Variants in PTPRA observed in about 807,000 individuals in gnomAD.
PTPRA encodes the protein protein tyrosine phosphatase receptor type A, also known as receptor-type tyrosine-protein phosphatase alpha.
PTPRA carries 25 observed loss-of-function variants against 104.8 expected under a neutral mutation model. That is an observed-to-expected ratio of 0.24 (90% CI 0.17 to 0.33). The LOEUF (loss-of-function observed/expected upper bound fraction) is 0.33. PTPRA is among the 10% of genes least tolerant of loss of function. The probability of loss-of-function intolerance (pLI) is 1.00; values close to 1 mark genes in which losing one functional copy is unlikely to be tolerated. For missense variants in PTPRA, 765 were observed against 1,015.3 expected, an observed-to-expected ratio of 0.75 and a Z score of 3.35; for synonymous variants, 323 against 368.9, an observed-to-expected ratio of 0.88 and a Z score of 1.43.
chr20:2,988,991 AGT>A (rs2063025805), intron 9 of PTPRA, among the ~76,000 whole-genome samples: 1 of 152,268 alleles, frequency 6.6e-6, no homozygotes, highest in Admixed American at 6.5e-5. Flanking sequence ...GGGATAGATC[AGT>A]GTGGGAAATG....
At chr20:3,020,164 A>T (rs1348187913) in intron 13 of PTPRA, among the ~76,000 whole-genome samples, 1 of 149,692 alleles carries the variant, frequency 6.7e-6, no homozygotes, top group Admixed American at 6.7e-5. Context: ...GCTGAAGGGC[A>T]GTGGTGCCAT....
At chr20:2,982,696 C>CA (rs57716383) in intron 6 of PTPRA, among the ~76,000 whole-genome samples, 3,129 of 146,838 alleles carry the variant, frequency 0.021, 132 homozygotes, top group Admixed American at 0.092. Flanking sequence ...GAAATAACAG[C>CA]AATTTTTTTT....
chr20:2,922,427 C>T (rs986802914), intron 1 of PTPRA, among the ~76,000 whole-genome samples: 4 of 152,284 alleles, frequency 2.6e-5, no homozygotes, highest in South Asian at 2.1e-4. Flanking sequence ...GCAACCTCCC[C>T]CTCCTGGGTT....
intron 1 of PTPRA, among the ~76,000 whole-genome samples, chr20:2,895,879 C>T (rs2058979366): frequency 6.6e-6 from 1 of 151,964 alleles, no homozygotes; most frequent in African/African-American, 2.4e-5. Flanking sequence ...TGTACAATGT[C>T]TTTTTTATGT....
At chr20:3,034,375 T>A (rs1321246344) in intron 20 of PTPRA, among the ~76,000 whole-genome samples, 3 of 152,066 alleles carry the variant, frequency 2.0e-5, no homozygotes, top group Non-Finnish European at 4.4e-5. Flanking sequence ...ACACACACAC[T>A]GTGGCTCACA....
chr20:2,943,016 G>C lies in PTPRA; in HGVS notation c.-49-4966G>C, dbSNP rs377189653. The stretch of plus-strand genomic sequence containing the variant: ...CATGTTCCTTTTTCTCTTTTTTCTT[G>C]CTTTTTGGATTGATAGACTTTTTTA... On this transcript the variant is annotated intron_variant, in intron 2 of 23. Transcript: ENST00000399903. Among the ~76,000 whole-genome samples, 7 of 151,214 alleles carry C rather than the reference G, an allele frequency of 4.6e-5. No homozygotes were observed. The East Asian group carries it at 1.4e-3, about 29-fold the overall frequency.
intron 19 of PTPRA, among the ~76,000 whole-genome samples, chr20:3,027,470 C>T (rs539921095): frequency 1.4e-4 from 22 of 152,310 alleles, no homozygotes; most frequent in South Asian, 4.1e-4. Context: ...CTGGCTGCCC[C>T]CTGATCTTTC....
At chr20:2,865,477 A>G in the PTPRA span, 92 of 1,613,878 alleles carry the variant, frequency 5.7e-5, no homozygotes, top group Non-Finnish European at 7.5e-5. This position sits in a 1 kb window ranked among gnomAD's most constrained non-coding sequence, Gnocchi z 5.2. Flanking sequence ...AGAGCAAGAA[A>G]TCACCCATTG....
rs575226628 is a variant in PTPRA, at chr20:2,992,246, G to A, written c.738+3772G>A. ...ATACCTAGTTTACGAGACCGGCCCG[G>A]TGGCTCATGCCTGTAATCCCTGCAC... On this transcript the variant is annotated intron_variant, in intron 9 of 23. Transcript: ENST00000399903. Among the ~76,000 whole-genome samples the A allele has an allele frequency of 1.1e-3, 175 of 152,322 alleles. 1 individual carries two copies. The highest frequency in any genetic ancestry group is 3.9e-3 in the African/African-American group (164 of 41,562).
intron 11 of PTPRA, among the ~76,000 whole-genome samples, chr20:3,008,740 A>AC (rs1568693795): frequency 8.4e-6 from 1 of 118,896 alleles, no homozygotes; most frequent in Non-Finnish European, 1.6e-5. Flanking sequence ...AAAAAAAAAA[A>AC]AAAACAAAAA....
chr20:3,033,488 C>G (rs1280877769), intron 20 of PTPRA, among the ~76,000 whole-genome samples: 1 of 152,042 alleles, frequency 6.6e-6, no homozygotes, highest in Non-Finnish European at 1.5e-5. Context: ...TATGCGCAGC[C>G]TCGTCTGCAG....
intron 3 of PTPRA, among the ~76,000 whole-genome samples, chr20:2,955,307 G>A (rs2061497600): frequency 6.6e-6 from 1 of 152,122 alleles, no homozygotes; most frequent in African/African-American, 2.4e-5. Context: ...ATTCTATTTT[G>A]TGTATTTGTT....
chr20:2,989,971 CAT>C (rs2063098001), intron 9 of PTPRA, among the ~76,000 whole-genome samples: 1 of 152,148 alleles, frequency 6.6e-6, no homozygotes, highest in South Asian at 2.1e-4. Context: ...GAGCCGAGAT[CAT>C]GCTACTGCAC....
chr20:2,864,522 AC>A, the PTPRA span: 189 of 1,614,072 alleles, frequency 1.2e-4, 2 homozygotes, highest in Middle Eastern at 2.1e-3. The surrounding 1 kb of genome is among the most constrained non-coding windows in gnomAD (Gnocchi z 5.2). Context: ...GGCCTTGCTG[AC>A]TGATTGCCTG....
chr20:3,021,167 C>A, intron 13 of PTPRA, 142 bp from the exon 14 acceptor site: 1 of 1,133,372 alleles, frequency 8.8e-7, no homozygotes, highest in Non-Finnish European at 1.3e-6. Flanking sequence ...AGTAAGTGTG[C>A]AACTGACTGA....
chr20:3,020,262 A>G (rs1285777408), intron 13 of PTPRA, among the ~76,000 whole-genome samples: 1 of 151,930 alleles, frequency 6.6e-6, no homozygotes, highest in African/African-American at 2.4e-5. Flanking sequence ...CGCCCAGCTA[A>G]TTTTTTGTGT....
At chr20:2,969,274 G>C (rs2062065943) in intron 5 of PTPRA, among the ~76,000 whole-genome samples, 4 of 149,206 alleles carry the variant, frequency 2.7e-5, no homozygotes, top group Admixed American at 2.0e-4. Flanking sequence ...CTTTGAGACA[G>C]TCTCACCCTG....
intron 9 of PTPRA, among the ~76,000 whole-genome samples, chr20:3,002,785 T>C (rs2063696528): frequency 6.6e-6 from 1 of 152,150 alleles, no homozygotes; most frequent in Admixed American, 6.5e-5. Flanking sequence ...TTAAAAACCT[T>C]CAATGATTTC....
chr20:3,007,456 C>T, intron 11 of PTPRA, 36 bp downstream of exon 11: 2 of 1,574,728 alleles, frequency 1.3e-6, no homozygotes, highest in Non-Finnish European at 1.7e-6. Flanking sequence ...ACTTCCCTGC[C>T]TGACCATTGC....
Sources: gnomAD v4.1 joint callset for allele counts (sites outside exome capture counted in the v4.1 genomes callset) on GRCh38, gnomAD v4.1.1 for gene constraint, Gnocchi (gnomAD v3.1) non-coding constraint, MANE v1.5 for transcripts, NCBI Gene and HGNC (gene_info 2026-07-23, HGNC 2026-07-21) for gene names.